XKR9: variants seen among roughly 807,000 people sequenced by gnomAD.
XKR9 encodes the protein XK-related protein 9.
XKR9 carries 32 observed loss-of-function variants against 32.0 expected under a neutral mutation model. That is an observed-to-expected ratio of 1.00 (90% CI 0.76 to 1.34). The LOEUF (loss-of-function observed/expected upper bound fraction) is 1.34, where lower values mean the gene tolerates loss of function less well. Ranked by LOEUF, XKR9 falls within the 40% of genes most tolerant of loss-of-function variation. XKR9 has a pLI of 0.00. For synonymous variants in XKR9, 168 were observed against 143.4 expected (o/e 1.17, Z -1.22); for missense variants, 546 against 429.7 (o/e 1.27, Z -2.39).
chr8:70,749,117 C>T (rs1807098859), intron 2 of XKR9, among the ~76,000 whole-genome samples: 1 of 152,176 alleles, frequency 6.6e-6, no homozygotes, highest in Admixed American at 6.5e-5. Flanking sequence ...AAGGAGTGAC[C>T]CACTTCAGGT....
chr8:70,740,830 T>C (rs1806959491), downstream of XKR9, among the ~76,000 whole-genome samples: 1 of 152,224 alleles, frequency 6.6e-6, no homozygotes, highest in Admixed American at 6.5e-5. Flanking sequence ...TCTGAAAGTT[T>C]TGTCTCAGAG....
the XKR9 span, among the ~76,000 whole-genome samples, chr8:70,891,340 T>A: frequency 9.2e-5 from 14 of 152,096 alleles, no homozygotes; most frequent in South Asian, 2.1e-4. Context: ...ATTTTGGGTT[T>A]GGTTTGTTCT....
intron 2 of XKR9, among the ~76,000 whole-genome samples, chr8:70,680,359 C>T (rs1586806320): frequency 6.6e-6 from 1 of 152,046 alleles, no homozygotes; most frequent in South Asian, 2.1e-4. Context: ...TTGAATATTT[C>T]CCTAGGATAG....
At chr8:70,934,182 G>T in the XKR9 span, among the ~76,000 whole-genome samples, 1 of 151,920 alleles carries the variant, frequency 6.6e-6, no homozygotes, top group Non-Finnish European at 1.5e-5. Flanking sequence ...GTTGAGCATT[G>T]GTCAGCCATA....
chr8:70,753,058 C>T (rs1466426139), intron 2 of XKR9, among the ~76,000 whole-genome samples: 17 of 152,030 alleles, frequency 1.1e-4, no homozygotes, highest in South Asian at 4.1e-4. Context: ...ATCAAATAGA[C>T]GCAATAAAAA....
At chr8:70,878,642 C>G in the XKR9 span, among the ~76,000 whole-genome samples, 1 of 152,164 alleles carries the variant, frequency 6.6e-6, no homozygotes, top group Admixed American at 6.5e-5. Context: ...CAGGAGCACC[C>G]AGATTCATAA....
At chr8:70,999,238 T>A in the XKR9 span, among the ~76,000 whole-genome samples, 1 of 152,180 alleles carries the variant, frequency 6.6e-6, no homozygotes, top group Non-Finnish European at 1.5e-5. Flanking sequence ...CTCCAAAAGA[T>A]CACATTTTCT....
the XKR9 span, among the ~76,000 whole-genome samples, chr8:70,876,931 G>T: frequency 1.3e-5 from 2 of 152,068 alleles, no homozygotes; most frequent in Non-Finnish European, 2.9e-5. Flanking sequence ...TGTAAAAAAT[G>T]ATAATAAACA....
At chr8:70,899,819 G>A in the XKR9 span, among the ~76,000 whole-genome samples, 1 of 151,620 alleles carries the variant, frequency 6.6e-6, no homozygotes. Flanking sequence ...TCCCTTTTTT[G>A]GATATATTAT....
chr8:70,967,080 T>TTTTTTTTTTTTTTTTG, the XKR9 span, among the ~76,000 whole-genome samples: 1 of 147,384 alleles, frequency 6.8e-6, no homozygotes, highest in Non-Finnish European at 1.5e-5. Context: ...TTTTTTTTTT[T>TTTTTTTTTTTTTTTTG]GAGATGGAGT....
At chr8:70,819,573 G>A in the XKR9 span, among the ~76,000 whole-genome samples, 1 of 152,168 alleles carries the variant, frequency 6.6e-6, no homozygotes, top group Non-Finnish European at 1.5e-5. Context: ...CTTCAGACAA[G>A]TCACTTAATA....
the XKR9 span, among the ~76,000 whole-genome samples, chr8:70,809,012 G>A: frequency 6.6e-6 from 1 of 152,222 alleles, no homozygotes. Context: ...GTGGGTCCCT[G>A]ACCCTCGAGT....
chr8:71,017,937 A>G, the XKR9 span, among the ~76,000 whole-genome samples: 1 of 152,248 alleles, frequency 6.6e-6, no homozygotes, highest in Non-Finnish European at 1.5e-5. Context: ...GATATTGAAT[A>G]TGTGAACTAA....
chr8:71,044,183 A>AT, the XKR9 span, among the ~76,000 whole-genome samples: 9 of 152,208 alleles, frequency 5.9e-5, no homozygotes, highest in Non-Finnish European at 1.3e-4. Context: ...ATATACATAG[A>AT]TTTTTATCTG....
the XKR9 span, among the ~76,000 whole-genome samples, chr8:70,819,109 C>T: frequency 2.4e-4 from 36 of 152,314 alleles, no homozygotes; most frequent in Non-Finnish European, 2.9e-5. Flanking sequence ...GCTGGTTGCA[C>T]AAGGAACAGC....
chr8:71,051,527 G>GT, the XKR9 span, among the ~76,000 whole-genome samples: 1,128 of 60,260 alleles, frequency 0.019, 14 homozygotes, highest in East Asian at 0.088. Flanking sequence ...GGTGGTGGTG[G>GT]GGTGTGTGTG....
the XKR9 span, among the ~76,000 whole-genome samples, chr8:70,916,868 CT>C: frequency 1.5e-3 from 212 of 141,826 alleles, no homozygotes; most frequent in Middle Eastern, 3.7e-3. Flanking sequence ...TGTGAAAAAG[CT>C]TTTTTTTTTT....
intron 2 of XKR9, among the ~76,000 whole-genome samples, chr8:70,785,312 T>A (rs1335631876): frequency 6.6e-6 from 1 of 151,980 alleles, no homozygotes; most frequent in Non-Finnish European, 1.5e-5. Context: ...TTCATAGTAG[T>A]CTCCTATGAT....
At chr8:70,935,184 CATATAT>C in the XKR9 span, among the ~76,000 whole-genome samples, 3 of 106,424 alleles carry the variant, frequency 2.8e-5, no homozygotes, top group African/African-American at 7.6e-5. Flanking sequence ...TATGTATATA[CATATAT>C]ATATACATAT....
Sources: gnomAD v4.1 joint callset for allele counts (sites outside exome capture counted in the v4.1 genomes callset) on GRCh38, gnomAD v4.1.1 for gene constraint, MANE v1.5 for transcripts, NCBI Gene and HGNC (gene_info 2026-07-23, HGNC 2026-07-21) for gene names.